The following ANKS1B variants were observed in gnomAD, a reference collection of about 807,000 sequenced individuals.
ANKS1B encodes ankyrin repeat and sterile alpha motif domain containing 1B.
In ANKS1B, 36 loss-of-function variants were observed where a neutral mutation model predicts 148.3. The ratio of observed to expected loss-of-function variants is 0.24; its 90% CI spans 0.19 to 0.32. ANKS1B has a LOEUF of 0.32. Among genes scored for constraint, ANKS1B ranks in the 10% least tolerant of loss-of-function variants. The pLI is 1.00. For synonymous variants in ANKS1B, 542 were observed against 560.8 expected (o/e 0.97, Z 0.47); for missense variants, 1,157 against 1,542.6 (o/e 0.75, Z 4.19).
intron 17 of ANKS1B, among the ~76,000 whole-genome samples, chr12:99,003,319 T>C (rs2099934112): frequency 6.6e-6 from 1 of 152,210 alleles, no homozygotes; most frequent in Admixed American, 6.5e-5. Flanking sequence ...TCAGGGGCTT[T>C]TGTATTTCCA....
At chr12:99,389,874 C>T (rs958503429) in intron 12 of ANKS1B, among the ~76,000 whole-genome samples, 6 of 152,124 alleles carry the variant, frequency 3.9e-5, no homozygotes, top group Non-Finnish European at 8.8e-5. Flanking sequence ...AGGATTAGCG[C>T]TTGTAGGACT....
chr12:99,100,940 T>G (rs1423624865), intron 15 of ANKS1B, among the ~76,000 whole-genome samples: 1 of 152,178 alleles, frequency 6.6e-6, no homozygotes, highest in Non-Finnish European at 1.5e-5. Flanking sequence ...AAGCGGAACA[T>G]CTCTGCTACC....
At chr12:99,459,523 C>G (rs937662648) in intron 10 of ANKS1B, among the ~76,000 whole-genome samples, 1 of 151,996 alleles carries the variant, frequency 6.6e-6, no homozygotes, top group Admixed American at 6.5e-5. Flanking sequence ...AAGGCTTATA[C>G]AAAAAGTTCC....
chr12:99,349,292 G>C (rs1566938616), intron 12 of ANKS1B, among the ~76,000 whole-genome samples: 1 of 151,884 alleles, frequency 6.6e-6, no homozygotes, highest in Non-Finnish European at 1.5e-5. Flanking sequence ...GGAACAAAAA[G>C]GTTATAAGAC....
intron 1 of ANKS1B, among the ~76,000 whole-genome samples, chr12:99,826,744 T>C (rs10860529): frequency 0.12 from 17,538 of 151,956 alleles, 1,484 homozygotes; most frequent in African/African-American, 0.24. Context: ...CTTTAGGAAA[T>C]TGAAAAAAAA....
chr12:99,523,097 T>C (rs7954117), intron 9 of ANKS1B, among the ~76,000 whole-genome samples: 41,958 of 152,074 alleles, frequency 0.28, 6,964 homozygotes, highest in African/African-American at 0.48. Context: ...TCTCACTGAA[T>C]TTGCTTCCTA....
At chr12:99,796,479 T>C (rs2066267681) in intron 4 of ANKS1B, among the ~76,000 whole-genome samples, 1 of 151,884 alleles carries the variant, frequency 6.6e-6, no homozygotes, top group South Asian at 2.1e-4. Context: ...AACAAATCTC[T>C]TTCTGGAAAA....
At chr12:99,184,404 T>G (rs528087178) in intron 14 of ANKS1B, among the ~76,000 whole-genome samples, 5 of 152,146 alleles carry the variant, frequency 3.3e-5, no homozygotes, top group Admixed American at 6.5e-5. Flanking sequence ...CCATTTGGGT[T>G]CAAGCATAGA....
intron 9 of ANKS1B, among the ~76,000 whole-genome samples, chr12:99,581,190 G>T (rs2097566288): frequency 6.6e-6 from 1 of 152,118 alleles, no homozygotes; most frequent in African/African-American, 2.4e-5. Context: ...AACTGCATGG[G>T]TTTTGACATA....
intron 15 of ANKS1B, among the ~76,000 whole-genome samples, chr12:99,146,369 C>T (rs1312169261): frequency 1.3e-5 from 2 of 152,198 alleles, no homozygotes; most frequent in South Asian, 2.1e-4. Context: ...GCCAGCCAGA[C>T]GGCAGGATAG....
chr12:98,940,236 T>C (rs1472638029), intron 17 of ANKS1B, among the ~76,000 whole-genome samples: 11 of 152,130 alleles, frequency 7.2e-5, no homozygotes. Flanking sequence ...GCTCTCTATG[T>C]GGCGGGGGCA....
At chr12:99,455,886 C>T (rs1444590710) in intron 10 of ANKS1B, among the ~76,000 whole-genome samples, 11 of 152,138 alleles carry the variant, frequency 7.2e-5, no homozygotes. Flanking sequence ...TATGGCCCCA[C>T]CCACGGCCTG....
At chr12:98,990,874 C>T (rs542980063) in intron 17 of ANKS1B, among the ~76,000 whole-genome samples, 2 of 151,380 alleles carry the variant, frequency 1.3e-5, no homozygotes, top group African/African-American at 2.4e-5. Context: ...CACCTGCTTG[C>T]GCTATATGCA....
chr12:99,474,069 C>T (rs1358496092), intron 10 of ANKS1B, among the ~76,000 whole-genome samples: 1 of 151,978 alleles, frequency 6.6e-6, no homozygotes, highest in African/African-American at 2.4e-5. Flanking sequence ...TTAAGTTCTA[C>T]TTAGTATGAT....
intron 25 of ANKS1B, among the ~76,000 whole-genome samples, chr12:98,757,942 G>GTGTGTGTGTGTGCACGTT (rs1256903586): frequency 6.6e-6 from 1 of 150,908 alleles, no homozygotes; most frequent in African/African-American, 2.5e-5. Context: ...GTGCACGTGT[G>GTGTGTGTGTGTGCACGTT]TGTGTGTGTG....
At chr12:99,931,472 A>G (rs1311874373) in intron 1 of ANKS1B, among the ~76,000 whole-genome samples, 1 of 152,190 alleles carries the variant, frequency 6.6e-6, no homozygotes, top group Non-Finnish European at 1.5e-5. Context: ...ATGTCTTGTA[A>G]TTATGAAACT....
chr12:99,096,184 A>G (rs2056051000), intron 15 of ANKS1B, among the ~76,000 whole-genome samples: 1 of 152,190 alleles, frequency 6.6e-6, no homozygotes, highest in South Asian at 2.1e-4. Context: ...CTTAGTGTGT[A>G]GCTCTTCCAG....
chr12:99,959,210 G>A (rs557664823), intron 1 of ANKS1B, among the ~76,000 whole-genome samples: 3 of 149,682 alleles, frequency 2.0e-5, no homozygotes, highest in Non-Finnish European at 4.4e-5. Flanking sequence ...ACAGGTGCAG[G>A]CCACCACACC....
At chr12:99,308,167 A>G (rs1487963324) in intron 12 of ANKS1B, among the ~76,000 whole-genome samples, 1 of 152,112 alleles carries the variant, frequency 6.6e-6, no homozygotes, top group East Asian at 1.9e-4. Context: ...TTCTATAGAA[A>G]TTATAGAGAA....
Sources: gnomAD v4.1 joint callset for allele counts (sites outside exome capture counted in the v4.1 genomes callset) on GRCh38, gnomAD v4.1.1 for gene constraint, MANE v1.5 for transcripts, NCBI Gene and HGNC (gene_info 2026-07-23, HGNC 2026-07-21) for gene names.